Variants in COL4A2 observed in about 807,000 individuals in gnomAD.
The protein encoded by COL4A2 is collagen alpha-2(IV) chain.
A neutral mutation model predicts 200.2 loss-of-function variants in COL4A2; 99 were observed. The ratio of observed to expected loss-of-function variants is 0.49; its 90% CI spans 0.42 to 0.58. The LOEUF is 0.58. COL4A2 is among the 20% of genes least tolerant of loss of function. The pLI is 0.00. For missense variants in COL4A2, 1,950 were observed against 2,314.1 expected, an observed-to-expected ratio of 0.84 and a Z score of 3.23; for synonymous variants, 897 against 900.6, an observed-to-expected ratio of 1.00 and a Z score of 0.07.
In COL4A2 at chr13:110,508,082, A is replaced by C; in HGVS notation, c.4742A>C (p.Asp1581Ala). The C allele has an allele frequency of 3.7e-6, 6 of 1,614,222 alleles. No individual in the cohort carries two copies. Among genetic ancestry groups the C allele is most frequent in the Non-Finnish European group, 5.1e-6 (6 of 1,180,038 alleles). ...APLPMMPVAE[D>A]EIKPYISRCS... ...CTGCCCATGATGCCCGTGGCCGAGG[A>C]CGAGATCAAGCCCTACATCAGCCGC... Residue 1581 changes from aspartate (D) to alanine (A), a missense_variant, in exon 47 of 48, where the codon GAC becomes GCC. This residue lies in a region of COL4A2 where 1,385 missense variants were observed against 1,720.5 expected (regional missense o/e 0.80). Coordinates refer to ENST00000360467, the MANE Select transcript of COL4A2 (RefSeq NM_001846.4). This position sits in a 1 kb window ranked among gnomAD's most constrained non-coding sequence, Gnocchi z 6.1.
At chr13:110,483,131 C>T (rs546106621) in intron 32 of COL4A2, among the ~76,000 whole-genome samples, 1 of 152,316 alleles carries the variant, frequency 6.6e-6, no homozygotes, top group East Asian at 1.9e-4. Context: ...ACAGGCATCT[C>T]AAGACCCCCC....
intron 41 of COL4A2, 148 bp from the exon 42 acceptor site, chr13:110,502,973 C>T (rs1008106873): frequency 2.3e-5 from 17 of 748,510 alleles, no homozygotes; most frequent in Admixed American, 5.1e-5. Context: ...ACGTATTTTA[C>T]GACAATTTTT....
intron 4 of COL4A2, among the ~76,000 whole-genome samples, chr13:110,367,384 G>C (rs1002428716): frequency 6.6e-5 from 10 of 152,232 alleles, no homozygotes; most frequent in African/African-American, 2.2e-4. Flanking sequence ...CATTATTACA[G>C]TTCTTCCCTC....
chr13:110,376,804 T>C (rs901904171), intron 4 of COL4A2, among the ~76,000 whole-genome samples: 3 of 152,100 alleles, frequency 2.0e-5, no homozygotes, highest in Non-Finnish European at 4.4e-5. Context: ...TGAAACCCCC[T>C]TGGAGAGTCG....
At chr13:110,424,420 T>C (rs1880381054) in intron 4 of COL4A2, among the ~76,000 whole-genome samples, 1 of 60,184 alleles carries the variant, frequency 1.7e-5, no homozygotes, top group South Asian at 5.6e-4. Flanking sequence ...GAAAATTTTT[T>C]ATACTGAAAT....
At chr13:110,497,116 A>T (rs1883485698) in intron 40 of COL4A2, among the ~76,000 whole-genome samples, 1 of 150,778 alleles carries the variant, frequency 6.6e-6, no homozygotes, top group Non-Finnish European at 1.5e-5. Context: ...AGGGGTAAGG[A>T]TCTAGGACAG....
chr13:110,409,167 A>G (rs945774539), intron 4 of COL4A2, among the ~76,000 whole-genome samples: 7 of 152,074 alleles, frequency 4.6e-5, no homozygotes, highest in African/African-American at 1.7e-4. Flanking sequence ...ATGCACATAT[A>G]CACATGTACA....
At chr13:110,438,449 T>G (rs1594214014) in intron 14 of COL4A2, 169 bp from the exon 15 acceptor site, 1 of 873,444 alleles carries the variant, frequency 1.1e-6, no homozygotes. Context: ...GGCTGGCGGG[T>G]CTCCTAGGAC....
rs188818785 is a variant in COL4A2 at position 110,466,173 on chromosome 13, C to G, written c.2038+111C>G. On this transcript the variant is annotated intron_variant, in intron 26 of 47. Transcript: ENST00000360467. Reference sequence around the variant, plus strand: ...AAGAAATATTAATAATATGTGCAAGCCACGTTTGATTTCCATGGCACAACA... The same window carrying G: ...AAGAAATATTAATAATATGTGCAAGGCACGTTTGATTTCCATGGCACAACA... 4 of 1,297,834 alleles carry G rather than the reference C, an allele frequency of 3.1e-6. No individual in the cohort carries two copies. In the African/African-American group the frequency reaches 5.9e-5, roughly 19 times the overall value. 80.4% of individuals were successfully genotyped at this position (1,297,834 alleles called of 1,614,324 possible).
chr13:110,490,805 C>T (rs745495897), intron 36 of COL4A2, among the ~76,000 whole-genome samples: 14 of 152,236 alleles, frequency 9.2e-5, no homozygotes, highest in Non-Finnish European at 1.6e-4. Context: ...AGGGAAGAGA[C>T]GCTACCCCCA....
Position 110,494,723 on chromosome 13 carries a change from A to G in COL4A2, c.3635-619A>G, listed in dbSNP as rs149560951. Reference sequence around the variant, plus strand: ...CGTCTTAAAAAAAAAAAAAATTAACACATTTAAGAGGAAAAAAAGACCCAT... The same window carrying G: ...CGTCTTAAAAAAAAAAAAAATTAACGCATTTAAGAGGAAAAAAAGACCCAT... On this transcript the variant is annotated intron_variant, in intron 39 of 47. Transcript: ENST00000360467. Among the ~76,000 whole-genome samples, 535 of 152,006 alleles carry G rather than the reference A, an allele frequency of 3.5e-3. 2 individuals are homozygous for G. Among genetic ancestry groups the G allele is most frequent in the African/African-American group, 0.012 (498 of 41,510 alleles).
chr13:110,482,800 A>C, intron 32 of COL4A2, 141 bp downstream of exon 32: 1 of 820,858 alleles, frequency 1.2e-6, no homozygotes. Flanking sequence ...AACAAACAAA[A>C]TGAGCTAACA....
intron 3 of COL4A2, among the ~76,000 whole-genome samples, chr13:110,334,162 G>T (rs567174773): frequency 2.6e-5 from 4 of 152,366 alleles, no homozygotes; most frequent in South Asian, 2.1e-4. Context: ...ACAATATGAC[G>T]CACAGTCAGT....
chr13:110,481,967 T>TG lies in COL4A2; in HGVS notation c.2759-549_2759-548insG, dbSNP rs1278725109. Among the ~76,000 whole-genome samples, 3 of 149,644 alleles carry TG rather than the reference T, an allele frequency of 2.0e-5. 1 individual carries two copies. Among genetic ancestry groups the TG allele is most frequent in the Non-Finnish European group, 3.0e-5 (2 of 67,224 alleles). On this transcript the variant is annotated intron_variant, in intron 31 of 47. Coordinates refer to ENST00000360467, the MANE Select transcript of COL4A2 (RefSeq NM_001846.4). ...TCCCTCCGTGCTGGAGACACACTGT[T>TG]CTGTCCTTCCGTTGCTGGAGACACA... is the stretch of plus-strand genomic sequence containing the variant.
At chr13:110,429,989 G>C in intron 8 of COL4A2, 33 bp downstream of exon 8, 88 of 1,511,430 alleles carry the variant, frequency 5.8e-5, no homozygotes, top group African/African-American at 1.9e-4. Context: ...GGGTAATGAA[G>C]GGACCCAGTG....
At chr13:110,382,413 A>T (rs906762208) in intron 4 of COL4A2, among the ~76,000 whole-genome samples, 4 of 152,224 alleles carry the variant, frequency 2.6e-5, no homozygotes, top group Non-Finnish European at 4.4e-5. Context: ...CCCAGAGAGA[A>T]ATATATGAAT....
chr13:110,383,681 T>G (rs962088611), intron 4 of COL4A2, among the ~76,000 whole-genome samples: 3 of 137,892 alleles, frequency 2.2e-5, no homozygotes, highest in African/African-American at 5.4e-5. Context: ...AGTGGCACGA[T>G]CTCAGCTCAC....
At chr13:110,332,884 A>G (rs1003137821) in intron 3 of COL4A2, among the ~76,000 whole-genome samples, 1 of 152,214 alleles carries the variant, frequency 6.6e-6, no homozygotes, top group Non-Finnish European at 1.5e-5. Context: ...AAAGTCCTTC[A>G]CAATCTGAAC....
intron 3 of COL4A2, among the ~76,000 whole-genome samples, chr13:110,315,763 C>A (rs1271269081): frequency 6.6e-6 from 1 of 152,198 alleles, no homozygotes; most frequent in Non-Finnish European, 1.5e-5. Context: ...AGTCCAAGTT[C>A]AGGGCATCTT....
Sources: gnomAD v4.1 joint callset for allele counts (sites outside exome capture counted in the v4.1 genomes callset) on GRCh38, gnomAD v4.1.1 for gene constraint, gnomAD v4.1.1 regional missense constraint, Gnocchi (gnomAD v3.1) non-coding constraint, MANE v1.5 for transcripts, NCBI Gene and HGNC (gene_info 2026-07-23, HGNC 2026-07-21) for gene names.